Variants in CAMKMT observed in about 807,000 individuals in gnomAD.
The protein encoded by CAMKMT is CaM KMT.
Under a neutral mutation model 48.0 loss-of-function variants are expected in CAMKMT, and 53 were observed. That is an observed-to-expected ratio of 1.10 (90% confidence interval 0.89 to 1.39). CAMKMT has a LOEUF of 1.39. Among genes scored for constraint, CAMKMT ranks in the 40% most tolerant of loss-of-function variants. CAMKMT has a pLI of 0.00. For synonymous variants in CAMKMT, 165 were observed against 152.3 expected (o/e 1.08, Z -0.61); for missense variants, 428 against 402.7 (o/e 1.06, Z -0.54).
chr2:44,635,622 A>C (rs944617693), intron 3 of CAMKMT, among the ~76,000 whole-genome samples: 1 of 152,216 alleles, frequency 6.6e-6, no homozygotes, highest in Non-Finnish European at 1.5e-5. Context: ...AGATTTGATC[A>C]GAATTCTGAT....
chr2:44,503,673 C>G (rs1477598811), intron 3 of CAMKMT, among the ~76,000 whole-genome samples: 1 of 152,094 alleles, frequency 6.6e-6, no homozygotes, highest in Non-Finnish European at 1.5e-5. Flanking sequence ...CTTCATTTGT[C>G]CACGTGAAGT....
At chr2:44,623,980 T>C (rs980475588) in intron 3 of CAMKMT, among the ~76,000 whole-genome samples, 4 of 152,210 alleles carry the variant, frequency 2.6e-5, no homozygotes, top group Non-Finnish European at 4.4e-5. Context: ...AGTAGTTTAG[T>C]CTTTTTGAAT....
intron 3 of CAMKMT, among the ~76,000 whole-genome samples, chr2:44,576,869 A>C (rs946165854): frequency 2.0e-5 from 3 of 152,244 alleles, no homozygotes; most frequent in Admixed American, 2.0e-4. Flanking sequence ...ACTAATCATA[A>C]CAAAACAAAA....
chr2:44,470,618 AT>A (rs2104649079), intron 3 of CAMKMT, among the ~76,000 whole-genome samples: 1 of 152,300 alleles, frequency 6.6e-6, no homozygotes, highest in East Asian at 1.9e-4. Context: ...TACTGTCTTT[AT>A]TTAAGAAGCT....
chr2:44,524,736 C>G (rs1000864986), intron 3 of CAMKMT, among the ~76,000 whole-genome samples: 1 of 152,044 alleles, frequency 6.6e-6, no homozygotes, highest in Non-Finnish European at 1.5e-5. Flanking sequence ...GTGTATTTAC[C>G]TGTATGTCAC....
At chr2:44,656,825 A>G (rs1242411705) in intron 3 of CAMKMT, among the ~76,000 whole-genome samples, 2 of 152,152 alleles carry the variant, frequency 1.3e-5, no homozygotes, top group Admixed American at 6.5e-5. Flanking sequence ...AAAAGTTCCT[A>G]TTTTAAATGA....
intron 3 of CAMKMT, among the ~76,000 whole-genome samples, chr2:44,614,005 C>T (rs1255808246): frequency 6.6e-6 from 1 of 152,032 alleles, no homozygotes; most frequent in Non-Finnish European, 1.5e-5. Context: ...ATGAAAAGCC[C>T]TATAAAATAG....
intron 7 of CAMKMT, among the ~76,000 whole-genome samples, chr2:44,722,190 T>G (rs1215067360): frequency 1.3e-5 from 2 of 150,624 alleles, no homozygotes; most frequent in African/African-American, 4.9e-5. Context: ...TTTTTTTTTT[T>G]TTTCTATTCT....
chr2:44,413,099 T>A lies in CAMKMT; in HGVS notation c.376+22794T>A, dbSNP rs972531268. Among the ~76,000 whole-genome samples the A allele has an allele frequency of 7.3e-5, 11 of 149,862 alleles. 1 individual carries two copies. The highest frequency in any genetic ancestry group is 4.2e-4 in the South Asian group (2 of 4,784). ...TCAAAAAAAATAAAATAAAATAAAT[T>A]AAATAAATAAATAAATAAATAATAA... On this transcript the variant is annotated intron_variant, in intron 3 of 10. Coordinates refer to ENST00000378494, the MANE Select transcript of CAMKMT (RefSeq NM_024766.5).
At chr2:44,643,113 A>G (rs951387651) in intron 3 of CAMKMT, among the ~76,000 whole-genome samples, 1 of 152,226 alleles carries the variant, frequency 6.6e-6, no homozygotes, top group African/African-American at 2.4e-5. Flanking sequence ...CATTCATTAT[A>G]CTTTTTAAAA....
At chr2:44,414,571 C>A (rs936630651) in intron 3 of CAMKMT, among the ~76,000 whole-genome samples, 1 of 152,106 alleles carries the variant, frequency 6.6e-6, no homozygotes, top group Non-Finnish European at 1.5e-5. Flanking sequence ...AGTGGACACC[C>A]AAGATGAGAG....
chr2:44,733,318 A>G (rs781683032), intron 7 of CAMKMT, among the ~76,000 whole-genome samples: 5 of 152,180 alleles, frequency 3.3e-5, no homozygotes, highest in Non-Finnish European at 7.4e-5. Context: ...ATAAAATTGG[A>G]AATTCCAACT....
intron 3 of CAMKMT, among the ~76,000 whole-genome samples, chr2:44,491,544 A>G (rs1669506388): frequency 6.6e-6 from 1 of 152,216 alleles, no homozygotes; most frequent in Non-Finnish European, 1.5e-5. Context: ...TGTTAATTTA[A>G]TAAAGTAACT....
At chr2:44,543,241 G>A (rs1022581128) in intron 3 of CAMKMT, among the ~76,000 whole-genome samples, 2 of 152,170 alleles carry the variant, frequency 1.3e-5, no homozygotes, top group East Asian at 3.9e-4. Flanking sequence ...CCTTCTTTTA[G>A]TGTAAATAGT....
intron 3 of CAMKMT, among the ~76,000 whole-genome samples, chr2:44,542,496 TACACACACACAC>T (rs371102222): frequency 0.11 from 15,012 of 134,002 alleles, 736 homozygotes; most frequent in African/African-American, 0.13. Flanking sequence ...CACATACACA[TACACACACACAC>T]ACACACACAC....
intron 3 of CAMKMT, among the ~76,000 whole-genome samples, chr2:44,551,404 C>G (rs752561437): frequency 1.3e-5 from 2 of 151,974 alleles, no homozygotes; most frequent in African/African-American, 2.4e-5. Context: ...TGCGTGTTGC[C>G]CTTTGTGTTC....
intron 3 of CAMKMT, among the ~76,000 whole-genome samples, chr2:44,515,387 A>G (rs923868617): frequency 3.9e-5 from 6 of 152,192 alleles, no homozygotes; most frequent in African/African-American, 1.4e-4. Context: ...AATCTGGCAA[A>G]GGTAGCTCTT....
intron 3 of CAMKMT, among the ~76,000 whole-genome samples, chr2:44,454,885 TC>T (rs1667478022): frequency 6.6e-6 from 1 of 152,144 alleles, no homozygotes; most frequent in African/African-American, 2.4e-5. Flanking sequence ...ATATTATTTA[TC>T]TAACAGAATC....
chr2:44,671,655 A>C (rs570508185), intron 3 of CAMKMT, among the ~76,000 whole-genome samples: 1 of 152,258 alleles, frequency 6.6e-6, no homozygotes, highest in Admixed American at 6.5e-5. Context: ...GAGACATCTC[A>C]TGCCTTATTT....
Sources: gnomAD v4.1 joint callset for allele counts (sites outside exome capture counted in the v4.1 genomes callset) on GRCh38, gnomAD v4.1.1 for gene constraint, MANE v1.5 for transcripts, NCBI Gene and HGNC (gene_info 2026-07-23, HGNC 2026-07-21) for gene names.